Variants in SMG9 observed in about 807,000 individuals in gnomAD.
SMG9 encodes SMG9 nonsense mediated mRNA decay factor, also known as nonsense-mediated mRNA decay factor SMG9.
In SMG9, 55 loss-of-function variants were observed where a neutral mutation model predicts 64.0. The ratio of observed to expected loss-of-function variants is 0.86; its 90% CI spans 0.69 to 1.08. The LOEUF (loss-of-function observed/expected upper bound fraction) is 1.08. SMG9 is among the 50% of genes least tolerant of loss of function. SMG9 has a pLI of 0.00. For synonymous variants in SMG9, 244 were observed against 254.8 expected (o/e 0.96, Z 0.41); for missense variants, 554 against 681.3 (o/e 0.81, Z 2.08).
intron 6 of SMG9, 125 bp from the exon 7 acceptor site, chr19:43,740,343 T>C (rs568934206): frequency 2.7e-6 from 2 of 729,106 alleles, no homozygotes; most frequent in Admixed American, 4.1e-5. Context: ...AAGCTTTTCA[T>C]CTGTGGCCCA....
chr19:43,733,984 T>C (rs974711782), intron 10 of SMG9: 3 of 570,522 alleles, frequency 5.3e-6, no homozygotes, highest in Non-Finnish European at 9.4e-6. Context: ...ACTGGGTCTT[T>C]GAAGAAGAGT....
chr19:43,750,847 G>A, intron 1 of SMG9, 100 bp from the exon 2 acceptor site: 4 of 1,137,348 alleles, frequency 3.5e-6, no homozygotes, highest in Non-Finnish European at 4.8e-6. Flanking sequence ...TTTTTTTGGA[G>A]ATGGAGTCTC....
rs1246577955 is a variant in SMG9 at position 43,733,630 on chromosome 19, G to GT, written c.1205dup (p.Tyr402Ter). 2 of 1,613,920 alleles carry GT rather than the reference G, an allele frequency of 1.2e-6. No individual in the cohort carries two copies. The highest frequency in any genetic ancestry group is 2.7e-5 in the African/African-American group (2 of 74,890). The change falls in exon 11 of 14, where the codon TAC becomes TAAC. Residue 402 changes from tyrosine (Y) to a stop codon, truncating the protein, a stop_gained and frameshift_variant. Coordinates refer to ENST00000270066, the MANE Select transcript of SMG9 (RefSeq NM_019108.4). LOFTEE classifies it high-confidence loss of function. ...DQLMAHSHLR[Y>*]KGTLSMLQCN... ...GGGTGATGTGGGAACCCTTACCCTT[G>GT]TAACGCAGGTGGGAGTGGGCCATGA...
At chr19:43,753,458 C>CTTTTTTTT (rs745479932) in intron 1 of SMG9, among the ~76,000 whole-genome samples, 3 of 118,620 alleles carry the variant, frequency 2.5e-5, no homozygotes, top group Non-Finnish European at 3.6e-5. Flanking sequence ...GAATGCTTTT[C>CTTTTTTTT]TTTTTTTTTT....
chr19:43,732,798 C>T (rs964590771), intron 13 of SMG9, 60 bp downstream of exon 13: 1 of 1,601,556 alleles, frequency 6.2e-7, no homozygotes, highest in African/African-American at 1.4e-5. Flanking sequence ...AGGGACGCCC[C>T]CTTCTCTCTA....
Position 43,734,452 on chromosome 19 carries a change from G to C in SMG9, c.1039C>G (p.Pro347Ala). The change falls in exon 10 of 14, where the codon CCC becomes GCC. Residue 347 changes from proline (P) to alanine (A), a missense_variant. By Grantham distance (27) the Pro-to-Ala change is conservative. Transcript: ENST00000270066. ...GATGAGCTGCTGGACTCGTGGCTGGGGGATGGGGTGGAGGGCTTCACCATC... is the reference window on the plus strand; with the variant it reads ...GATGAGCTGCTGGACTCGTGGCTGGCGGATGGGGTGGAGGGCTTCACCATC... ...AEMVKPSTPS[P>A]SHESSSSSGS... The C allele has an allele frequency of 6.4e-7, 1 of 1,563,138 alleles. No individual in the cohort carries two copies. Among genetic ancestry groups the C allele is most frequent in the Non-Finnish European group, 8.7e-7 (1 of 1,153,192 alleles).
chr19:43,739,914 G>A (rs756781905), intron 7 of SMG9, 193 bp downstream of exon 7: 35 of 597,272 alleles, frequency 5.9e-5, no homozygotes, highest in Non-Finnish European at 9.3e-5. Flanking sequence ...TGTAGAAGGC[G>A]AATGAGATGG....
At chr19:43,734,142 C>CCAGAAA in intron 10 of SMG9, 1 of 558,572 alleles carries the variant, frequency 1.8e-6, no homozygotes, top group South Asian at 2.3e-5. Flanking sequence ...ATAGGCAGAC[C>CCAGAAA]TGGGGCCTGT....
intron 6 of SMG9, 118 bp from the exon 7 acceptor site, chr19:43,740,336 C>A: frequency 4.1e-6 from 3 of 732,580 alleles, no homozygotes; most frequent in Non-Finnish European, 7.3e-6. Context: ...GCTCCCTAAG[C>A]TTTTCATCTG....
At position 43,737,689 on chromosome 19, in the gene SMG9, G is replaced by A. The variant is rs746012035; in HGVS notation, c.910-7C>T. Reference sequence around the variant, plus strand: ...AGGCAGCAATCTGGAGTGACTGAGGGTGGGCAGGATGGAAGGGAGGTGAGG... The same window carrying A: ...AGGCAGCAATCTGGAGTGACTGAGGATGGGCAGGATGGAAGGGAGGTGAGG... On this transcript the variant is annotated splice_polypyrimidine_tract_variant and splice_region_variant and intron_variant, in intron 8 of 13. Transcript: ENST00000270066. 8.1e-6 allele frequency: 13 copies of A among 1,613,650 alleles called. No homozygotes were observed. In the South Asian group the frequency reaches 8.8e-5, roughly 11 times the overall value.
intron 2 of SMG9, among the ~76,000 whole-genome samples, chr19:43,749,169 G>GT (rs1969117503): frequency 6.6e-6 from 1 of 152,218 alleles, no homozygotes; most frequent in African/African-American, 2.4e-5. Context: ...GATGAACGCT[G>GT]TGAGGGTAGA....
At chr19:43,736,493 G>A (rs1276956849) in intron 9 of SMG9, among the ~76,000 whole-genome samples, 4 of 152,196 alleles carry the variant, frequency 2.6e-5, no homozygotes, top group Admixed American at 2.6e-4. Flanking sequence ...GTCTCTTCTG[G>A]AGGCATTTCT....
chr19:43,740,058 C>T lies in SMG9; in HGVS notation c.813+49G>A, dbSNP rs368934496. ...GGCTTAATCACATTCCAGGAAGAGG[C>T]TCAATGCAGGATGTGGCAGGGTGGG... On this transcript the variant is annotated intron_variant, in intron 7 of 13. Transcript: ENST00000270066. 1.8e-5 allele frequency: 22 copies of T among 1,238,814 alleles called. No homozygotes were observed. In the African/African-American group the frequency reaches 2.5e-4, roughly 14 times the overall value. The allele number at this position is 1,238,814 out of a possible 1,614,324, so 76.7% of individuals were successfully genotyped here.
At chr19:43,740,790 C>A (rs1209265480) in intron 6 of SMG9, among the ~76,000 whole-genome samples, 2 of 152,154 alleles carry the variant, frequency 1.3e-5, no homozygotes, top group South Asian at 4.2e-4. Context: ...CAGCATCTTC[C>A]CCTGTCAGGT....
At chr19:43,750,853 GTCTC>G (rs1969173065) in intron 1 of SMG9, 106 bp from the exon 2 acceptor site, 2 of 1,069,052 alleles carry the variant, frequency 1.9e-6, no homozygotes, top group Non-Finnish European at 2.6e-6. Flanking sequence ...TGGAGATGGA[GTCTC>G]TCTGTCGCCC....
intron 1 of SMG9, among the ~76,000 whole-genome samples, chr19:43,753,427 G>A (rs1415924077): frequency 6.6e-6 from 1 of 150,988 alleles, no homozygotes; most frequent in African/African-American, 2.4e-5. Context: ...CCTTTCCTGT[G>A]CAAAGTAAGC....
chr19:43,738,622 G>GA (rs1251200372), intron 7 of SMG9, among the ~76,000 whole-genome samples: 23 of 152,050 alleles, frequency 1.5e-4, no homozygotes, highest in African/African-American at 5.6e-4. Flanking sequence ...GCATCAGTAT[G>GA]TATAAGAATC....
chr19:43,737,722 C>T (rs772903195), intron 8 of SMG9, 40 bp from the exon 9 acceptor site: 9 of 1,596,104 alleles, frequency 5.6e-6, no homozygotes, highest in Non-Finnish European at 7.7e-6. Context: ...AGGACCTCTT[C>T]TGCCCAGACT....
rs1227207816 is a variant in SMG9 at position 43,729,912 on chromosome 19, A to C, written c.*1684T>G. 1 of 152,376 alleles carries C rather than the reference A, an allele frequency of 6.6e-6. No individual in the cohort carries two copies. The highest frequency in any genetic ancestry group is 1.5e-5 in the Non-Finnish European group (1 of 68,156). 9.4% of individuals were successfully genotyped at this position (152,376 alleles called of 1,614,324 possible). On this transcript the variant is annotated 3_prime_UTR_variant, in exon 14 of 14. Coordinates refer to ENST00000270066, the MANE Select transcript of SMG9 (RefSeq NM_019108.4). ...GGCTCCTTGCCTACTACAGTCGGTC[A>C]GGAAGTGGCTGTGCCAGAGCCTGTG...
Sources: allele counts gnomAD v4.1 joint callset (sites outside exome capture counted in the v4.1 genomes callset), GRCh38; gene constraint gnomAD v4.1.1; transcripts MANE v1.5; gene names NCBI Gene and HGNC (gene_info 2026-07-23, HGNC 2026-07-21).